The following ABCG2 variants were observed in gnomAD, a reference collection of about 807,000 sequenced individuals.
ABCG2 encodes ATP binding cassette subfamily G member 2 (JR blood group), also known as broad substrate specificity ATP-binding cassette transporter ABCG2.
In ABCG2, 80 loss-of-function variants were observed where a neutral mutation model predicts 73.5. That is an observed-to-expected ratio of 1.09 (90% CI 0.91 to 1.31). The LOEUF (loss-of-function observed/expected upper bound fraction) is 1.31. Among genes scored for constraint, ABCG2 ranks in the 50% most tolerant of loss-of-function variants. The probability of loss-of-function intolerance (pLI) is 0.00; values close to 1 mark genes in which losing one functional copy is unlikely to be tolerated. For synonymous variants in ABCG2, 269 were observed against 282.4 expected, an observed-to-expected ratio of 0.95 and a Z score of 0.48; for missense variants, 796 against 786.2, an observed-to-expected ratio of 1.01 and a Z score of -0.15.
Position 88,121,765 on chromosome 4 carries a change from A to G in ABCG2, c.559T>C (p.Ser187Pro), listed in dbSNP as rs749103082. 2.5e-6 allele frequency: 4 copies of G among 1,613,628 alleles called. No individual in the cohort carries two copies. The highest frequency in any genetic ancestry group is 3.4e-6 in the Non-Finnish European group (4 of 1,179,882). Reference protein sequence around the residue: ...KVGTQFIRGVSGGERKRTSIG... With the variant: ...KVGTQFIRGVPGGERKRTSIG... ...CTAGTCCTTTTTCTTTCTCCTCCAG[A>G]CACACCACGGATAAACTGAGTTCCA... The change falls in exon 6 of 16, where the codon TCT becomes CCT. Residue 187 changes from serine (S) to proline (P), a missense_variant. By Grantham distance (74) the Ser-to-Pro change is moderately conservative. Transcript: ENST00000237612.
intron 3 of ABCG2, among the ~76,000 whole-genome samples, 158 bp downstream of exon 3, chr4:88,132,418 A>G (rs1251725394): frequency 3.3e-5 from 5 of 152,276 alleles, no homozygotes; most frequent in Non-Finnish European, 7.4e-5. Context: ...GTCTTTGGGA[A>G]AAAACCACGC....
chr4:88,131,996 A>T, intron 3 of ABCG2, 79 bp from the exon 4 acceptor site: 1 of 954,910 alleles, frequency 1.0e-6, no homozygotes, highest in Non-Finnish European at 1.6e-6. Flanking sequence ...TCCCTCCAAC[A>T]CATGCTATAT....
At chr4:88,178,017 A>C (rs996582610) in intron 1 of ABCG2, among the ~76,000 whole-genome samples, 3 of 152,194 alleles carry the variant, frequency 2.0e-5, no homozygotes, top group African/African-American at 7.2e-5. Flanking sequence ...AATTCCTGGA[A>C]AAGTTTTGGT....
intron 1 of ABCG2, among the ~76,000 whole-genome samples, chr4:88,224,051 A>AT (rs1305991152): frequency 6.6e-6 from 1 of 152,072 alleles, no homozygotes; most frequent in South Asian, 2.1e-4. Flanking sequence ...CTTTTTAATC[A>AT]TTTTTTTGTT....
rs777663201 is a variant in ABCG2, at chr4:88,131,851, T to TCCTGCCAATTTATCAGATAAATCTG, written c.329_330insCAGATTTATCTGATAAATTGGCAGG (p.Ala111ArgfsTer4). On this transcript the variant is annotated stop_gained and frameshift_variant, in exon 4 of 16. Transcript: ENST00000237612. LOFTEE classifies it high-confidence loss of function. Reference sequence around the variant, plus strand: ...ATTTGAAATTGGCAGGTCGCGGTGCTCCATTTATCAGAACATCTCCAGATA... The same window carrying TCCTGCCAATTTATCAGATAAATCTG: ...ATTTGAAATTGGCAGGTCGCGGTGCTCCTGCCAATTTATCAGATAAATCTGCCATTTATCAGAACATCTCCAGATA... The TCCTGCCAATTTATCAGATAAATCTG allele has an allele frequency of 1.2e-6, 2 of 1,613,878 alleles. No individual in the cohort carries two copies. Among genetic ancestry groups the TCCTGCCAATTTATCAGATAAATCTG allele is most frequent in the Non-Finnish European group, 1.7e-6 (2 of 1,179,954 alleles).
intron 1 of ABCG2, among the ~76,000 whole-genome samples, chr4:88,149,441 A>C (rs1015270965): frequency 1.7e-4 from 26 of 152,176 alleles, no homozygotes; most frequent in African/African-American, 5.5e-4. Flanking sequence ...GCTGCCCATA[A>C]AATGCTATCC....
rs1369358599 is a variant in ABCG2 at position 88,113,512 on chromosome 4, T to A, written c.985A>T (p.Ile329Leu). 1.2e-6 allele frequency: 2 copies of A among 1,614,196 alleles called. No individual in the cohort carries two copies. Among genetic ancestry groups the A allele is most frequent in the Admixed American group, 1.7e-5 (1 of 60,020 alleles). The stretch of plus-strand genomic sequence containing the variant: ...ACATAAATCTCCGCTAATTTTTCTA[T>A]GAGTGGCTTATCCTGCTTGGAAGGC... ...IEPSKQDKPLIEKLAEIYVNS... is the reference protein window; with the variant it reads ...IEPSKQDKPLLEKLAEIYVNS... Residue 329 changes from isoleucine to leucine, a missense_variant, in exon 9 of 16, where the codon ATA becomes TTA. Physicochemically the swap from Ile to Leu is conservative, Grantham distance 5. Transcript: ENST00000237612.
At chr4:88,201,828 A>C (rs1339679974) in intron 1 of ABCG2, 1 of 152,214 alleles carries the variant, frequency 6.6e-6, no homozygotes, top group Non-Finnish European at 1.5e-5. Flanking sequence ...ATATTTTTTA[A>C]AAATGCAGAA....
chr4:88,179,282 A>G (rs968533697), intron 1 of ABCG2, among the ~76,000 whole-genome samples: 2 of 152,330 alleles, frequency 1.3e-5, no homozygotes, highest in East Asian at 3.9e-4. Flanking sequence ...ATTCTTCCGC[A>G]TCTTATCCAA....
chr4:88,134,484 C>G (rs188721101), intron 2 of ABCG2, among the ~76,000 whole-genome samples: 1 of 152,162 alleles, frequency 6.6e-6, no homozygotes, highest in African/African-American at 2.4e-5. Context: ...ATGTGTAAAA[C>G]AACATACTAA....
chr4:88,178,711 A>T (rs1728108858), intron 1 of ABCG2, among the ~76,000 whole-genome samples: 1 of 152,010 alleles, frequency 6.6e-6, no homozygotes, highest in Non-Finnish European at 1.5e-5. Flanking sequence ...AGAGTCCCAA[A>T]CCTAGCAGCA....
intron 1 of ABCG2, among the ~76,000 whole-genome samples, chr4:88,171,012 G>A (rs765360313): frequency 5.3e-5 from 8 of 152,054 alleles, no homozygotes; most frequent in Non-Finnish European, 1.0e-4. Flanking sequence ...GTAAACTAAC[G>A]CAGGAACAGA....
chr4:88,158,504 A>G lies in ABCG2; in HGVS notation c.-138T>C, dbSNP rs1290283526. ...TGGGATGAGTCACCCGGACCTTCCAAACAAACTCTAAAGCAGCAGTTTCCA... is the reference window on the plus strand; with the variant it reads ...TGGGATGAGTCACCCGGACCTTCCAGACAAACTCTAAAGCAGCAGTTTCCA... On this transcript the variant is annotated 5_prime_UTR_variant, in exon 1 of 16. Transcript: ENST00000237612. The G allele has an allele frequency of 2.2e-6, 1 of 456,266 alleles. No homozygotes were observed. The allele number at this position is 456,266 out of a possible 1,614,324, so 28.3% of individuals were successfully genotyped here.
intron 5 of ABCG2, among the ~76,000 whole-genome samples, chr4:88,122,307 C>T (rs1024912129): frequency 1.5e-4 from 23 of 150,478 alleles, no homozygotes; most frequent in Middle Eastern, 3.4e-3. Flanking sequence ...GGAATGCCAG[C>T]GCGACAAAAC....
At chr4:88,151,954 A>G (rs1726520522) in intron 1 of ABCG2, among the ~76,000 whole-genome samples, 2 of 152,178 alleles carry the variant, frequency 1.3e-5, no homozygotes, top group African/African-American at 4.8e-5. Context: ...TTACCATCTC[A>G]GACCAAATAA....
At position 88,158,570 on chromosome 4, in the gene ABCG2, A is replaced by G. The variant is rs1056317920; in HGVS notation, c.-204T>C. The G allele has an allele frequency of 6.6e-6, 3 of 456,254 alleles. No individual in the cohort carries two copies. The Admixed American group carries it at 7.0e-5, about 11-fold the overall frequency. 28.3% of individuals were successfully genotyped at this position (456,254 alleles called of 1,614,324 possible). ...AAGCATGTGCACGGTGCGTTCCTAA[A>G]TCCTACCCAGTTCCTCCACAGGCTG... On this transcript the variant is annotated 5_prime_UTR_variant, in exon 1 of 16. Transcript: ENST00000237612.
Position 88,099,269 on chromosome 4 carries a change from T to A in ABCG2, c.1492+55A>T. On this transcript the variant is annotated intron_variant, in intron 12 of 15. Transcript: ENST00000237612. ...AATATGCTTGCAAGGTGCAACTGAC[T>A]TCACCCATAGGCAAGACTAAAGACA... is the stretch of plus-strand genomic sequence containing the variant. The A allele has an allele frequency of 1.4e-6, 2 of 1,466,750 alleles. 1 individual carries two copies. The highest frequency in any genetic ancestry group is 3.1e-5 in the South Asian group (2 of 64,864). The allele number at this position is 1,466,750 out of a possible 1,614,324, so 90.9% of individuals were successfully genotyped here. A position where few individuals can be genotyped will look rare whatever the true frequency, so the allele number is the denominator to read the frequency against.
chr4:88,180,734 C>CA (rs2110099719), intron 1 of ABCG2, among the ~76,000 whole-genome samples: 2 of 151,936 alleles, frequency 1.3e-5, no homozygotes, highest in East Asian at 3.9e-4. Context: ...ACCTAGCTAA[C>CA]AGAGTGAGAC....
chr4:88,172,582 A>AG (rs1399173582), intron 1 of ABCG2, among the ~76,000 whole-genome samples: 2 of 372 alleles, frequency 5.4e-3, no homozygotes, highest in African/African-American at 6.5e-3. Context: ...TGTCTCAGGG[A>AG]AAAAAAAAAA....
Sources: allele counts gnomAD v4.1 joint callset (sites outside exome capture counted in the v4.1 genomes callset), GRCh38; gene constraint gnomAD v4.1.1; transcripts MANE v1.5; gene names NCBI Gene and HGNC (gene_info 2026-07-23, HGNC 2026-07-21).